ZBTB7C: variants seen among roughly 807,000 people sequenced by gnomAD.
ZBTB7C encodes the protein zinc finger and BTB domain containing 7C.
In ZBTB7C, 8 loss-of-function variants were observed where a neutral mutation model predicts 25.7. The ratio of observed to expected loss-of-function variants is 0.31; its 90% CI spans 0.18 to 0.56. The LOEUF (loss-of-function observed/expected upper bound fraction) is 0.56, where lower values mean the gene tolerates loss of function less well. Among genes scored for constraint, ZBTB7C ranks in the 20% least tolerant of loss-of-function variants. The pLI is 0.91. For missense variants in ZBTB7C, 824 were observed against 855.2 expected, an observed-to-expected ratio of 0.96 and a Z score of 0.46; for synonymous variants, 394 against 369.0, an observed-to-expected ratio of 1.07 and a Z score of -0.78.
At chr18:48,332,641 C>A (rs1327322960) in intron 2 of ZBTB7C, among the ~76,000 whole-genome samples, 1 of 123,680 alleles carries the variant, frequency 8.1e-6, no homozygotes, top group Non-Finnish European at 1.8e-5. Context: ...CTTTCCTAGT[C>A]TGTTTTTTGG....
intron 1 of ZBTB7C, among the ~76,000 whole-genome samples, chr18:48,369,624 C>T (rs1041464331): frequency 7.9e-5 from 12 of 151,994 alleles, no homozygotes; most frequent in Non-Finnish European, 1.3e-4. Flanking sequence ...AAATAGACTT[C>T]AGAGCAAAGA....
intron 1 of ZBTB7C, among the ~76,000 whole-genome samples, chr18:48,375,297 C>A (rs529442523): frequency 6.6e-6 from 1 of 152,318 alleles, no homozygotes; most frequent in South Asian, 2.1e-4. Context: ...CTCTGGCTCT[C>A]CCTTGGGCAG....
chr18:48,157,544 GA>G (rs2040874907), intron 3 of ZBTB7C, among the ~76,000 whole-genome samples: 2 of 152,174 alleles, frequency 1.3e-5, no homozygotes, highest in Admixed American at 6.5e-5. Context: ...GGAGGAAACA[GA>G]GACCCAGTTG....
chr18:48,351,502 T>G (rs1432539466), intron 1 of ZBTB7C, among the ~76,000 whole-genome samples: 1 of 152,148 alleles, frequency 6.6e-6, no homozygotes, highest in Non-Finnish European at 1.5e-5. Flanking sequence ...ACCACCACTG[T>G]CTAAAAGGAG....
At chr18:48,191,960 C>A (rs73431385) in intron 2 of ZBTB7C, among the ~76,000 whole-genome samples, 1 of 152,198 alleles carries the variant, frequency 6.6e-6, no homozygotes, top group Non-Finnish European at 1.5e-5. Flanking sequence ...ACCAAACGAT[C>A]TGAAAACTTA....
At chr18:48,286,780 G>T (rs112082363) in intron 2 of ZBTB7C, among the ~76,000 whole-genome samples, 2 of 152,050 alleles carry the variant, frequency 1.3e-5, no homozygotes, top group African/African-American at 4.8e-5. Flanking sequence ...GGCCAGGCAC[G>T]GTGGCTCATG....
chr18:48,213,997 C>T (rs1364748221), intron 2 of ZBTB7C, among the ~76,000 whole-genome samples: 5 of 152,202 alleles, frequency 3.3e-5, no homozygotes, highest in Admixed American at 2.6e-4. Context: ...ATCAGCCTGC[C>T]TTGCGGTGAG....
intron 3 of ZBTB7C, among the ~76,000 whole-genome samples, chr18:48,075,964 G>A (rs2037747083): frequency 6.6e-6 from 1 of 152,222 alleles, no homozygotes; most frequent in Non-Finnish European, 1.5e-5. Context: ...TTGGCATGTA[G>A]TACCGGGTGC....
intron 3 of ZBTB7C, among the ~76,000 whole-genome samples, chr18:48,135,983 G>A (rs1036861276): frequency 1.3e-5 from 2 of 152,210 alleles, no homozygotes; most frequent in Non-Finnish European, 2.9e-5. Flanking sequence ...GACACAGCCA[G>A]GACAACGGAA....
chr18:48,166,653 G>T (rs1484638718), intron 3 of ZBTB7C, among the ~76,000 whole-genome samples: 1 of 152,176 alleles, frequency 6.6e-6, no homozygotes, highest in African/African-American at 2.4e-5. Context: ...ATGTTAGGGG[G>T]CAAGAAAAAG....
chr18:48,090,349 C>G (rs1034263975), intron 3 of ZBTB7C, among the ~76,000 whole-genome samples: 2 of 152,198 alleles, frequency 1.3e-5, no homozygotes, highest in Non-Finnish European at 1.5e-5. Context: ...GGGTTCCAAT[C>G]GCTATCAAAG....
intron 3 of ZBTB7C, among the ~76,000 whole-genome samples, chr18:48,105,287 G>A (rs1372852279): frequency 1.3e-5 from 2 of 152,212 alleles, no homozygotes; most frequent in Non-Finnish European, 2.9e-5. Context: ...GCAGAGCTAA[G>A]TGTCATTCCT....
intron 3 of ZBTB7C, among the ~76,000 whole-genome samples, chr18:48,111,141 G>A (rs77186727): frequency 0.017 from 2,568 of 152,182 alleles, 42 homozygotes; most frequent in African/African-American, 0.047. Flanking sequence ...GCCCTGACCC[G>A]AAACTGATGG....
At chr18:48,035,335 A>C (rs907955699) in intron 4 of ZBTB7C, among the ~76,000 whole-genome samples, 1 of 152,158 alleles carries the variant, frequency 6.6e-6, no homozygotes, top group Non-Finnish European at 1.5e-5. Flanking sequence ...GTCTGTTTTC[A>C]TTTTGCAGTT....
At chr18:48,246,761 G>A (rs545091460) in intron 2 of ZBTB7C, among the ~76,000 whole-genome samples, 1 of 152,134 alleles carries the variant, frequency 6.6e-6, no homozygotes, top group East Asian at 1.9e-4. Flanking sequence ...TTGTGATGCT[G>A]GCGAAATCAT....
In ZBTB7C at chr18:48,028,321, C is replaced by T. The variant is rs370410752; in HGVS notation, c.*939G>A. 7 of 152,176 alleles carry T rather than the reference C, an allele frequency of 4.6e-5. No homozygotes were observed. In the East Asian group the frequency reaches 5.8e-4, roughly 13 times the overall value. The allele number at this position is 152,176 out of a possible 1,614,324, so 9.4% of individuals were successfully genotyped here. ...CCAGGAGTCCAGACATGAACAGCGG[C>T]CTGCAGGGAAGGTAGGGTAGCATTC... is the stretch of plus-strand genomic sequence containing the variant. On this transcript the variant is annotated 3_prime_UTR_variant, in exon 5 of 5. Transcript: ENST00000590800.
At chr18:48,299,636 C>A (rs2045493532) in intron 2 of ZBTB7C, among the ~76,000 whole-genome samples, 2 of 152,166 alleles carry the variant, frequency 1.3e-5, no homozygotes, top group African/African-American at 4.8e-5. Flanking sequence ...TGGACAAAAA[C>A]CAGTTCCCAG....
intron 3 of ZBTB7C, among the ~76,000 whole-genome samples, chr18:48,044,061 T>C (rs1210777921): frequency 6.6e-6 from 1 of 152,144 alleles, no homozygotes; most frequent in African/African-American, 2.4e-5. Context: ...TGGCACAAAG[T>C]AGGCAGCCCC....
At position 48,286,854 on chromosome 18, in the gene ZBTB7C, C is replaced by A. The variant is rs192263272; in HGVS notation, c.-79+51320G>T. On this transcript the variant is annotated intron_variant, in intron 2 of 4. Coordinates refer to ENST00000590800, the MANE Select transcript of ZBTB7C (RefSeq NM_001318841.2). ...ATCACTTGAGCTCAGGAGTTTGAGA[C>A]CAGCCTGGGCAACACGGCAAACCCC... 2.9e-3 allele frequency among the ~76,000 whole-genome samples: 436 copies of A among 152,130 alleles called. 3 individuals carry two copies. Among genetic ancestry groups the A allele is most frequent in the African/African-American group, 0.01 (423 of 41,490 alleles).
Sources: allele counts gnomAD v4.1 joint callset (sites outside exome capture counted in the v4.1 genomes callset), GRCh38; gene constraint gnomAD v4.1.1; transcripts MANE v1.5; gene names NCBI Gene and HGNC (gene_info 2026-07-23, HGNC 2026-07-21).